The following PRKCA variants were observed in gnomAD, a reference collection of about 807,000 sequenced individuals.
PRKCA encodes the protein protein kinase C alpha.
Under a neutral mutation model 87.0 loss-of-function variants are expected in PRKCA, and 27 were observed. The observed-to-expected ratio is 0.31, with a 90% CI of 0.23 to 0.43. The LOEUF (loss-of-function observed/expected upper bound fraction) is 0.43. PRKCA is among the 20% of genes least tolerant of loss of function. The pLI, the probability that PRKCA is intolerant of heterozygous loss-of-function variation, is 1.00. For missense variants in PRKCA, 518 were observed against 852.3 expected, an observed-to-expected ratio of 0.61 and a Z score of 4.88; for synonymous variants, 329 against 311.1, an observed-to-expected ratio of 1.06 and a Z score of -0.61.
chr17:66,532,541 T>A (rs1036501222), intron 3 of PRKCA, among the ~76,000 whole-genome samples: 5 of 151,896 alleles, frequency 3.3e-5, no homozygotes, highest in African/African-American at 1.2e-4. Context: ...AATTTTTGTA[T>A]TTTTAGTAGA....
At chr17:66,414,480 T>C (rs561288639) in intron 2 of PRKCA, among the ~76,000 whole-genome samples, 4 of 152,340 alleles carry the variant, frequency 2.6e-5, no homozygotes, top group South Asian at 4.1e-4. Context: ...TAAACCTCTT[T>C]TCTGTATAAA....
At chr17:66,576,769 C>T (rs1353062689) in intron 3 of PRKCA, among the ~76,000 whole-genome samples, 9 of 152,036 alleles carry the variant, frequency 5.9e-5, no homozygotes. Flanking sequence ...GGAGCATTCA[C>T]GATGTTCTTT....
At chr17:66,515,132 T>A (rs1966923708) in intron 3 of PRKCA, among the ~76,000 whole-genome samples, 1 of 151,988 alleles carries the variant, frequency 6.6e-6, no homozygotes, top group South Asian at 2.1e-4. Context: ...GGCCTGCGCC[T>A]CTAGTCCCAG....
chr17:66,487,822 A>G (rs1916050503), intron 2 of PRKCA, among the ~76,000 whole-genome samples: 1 of 152,156 alleles, frequency 6.6e-6, no homozygotes, highest in Admixed American at 6.5e-5. Flanking sequence ...ATCTTTTGAG[A>G]AATGTCTATT....
chr17:66,441,739 C>CT lies in PRKCA; in HGVS notation c.206-54453dup, dbSNP rs371236344. Among the ~76,000 whole-genome samples the CT allele has an allele frequency of 4.5e-4, 68 of 151,552 alleles. 1 individual carries two copies. The highest frequency in any genetic ancestry group is 1.5e-3 in the African/African-American group (60 of 41,344). On this transcript the variant is annotated intron_variant, in intron 2 of 16. Transcript: ENST00000413366. The stretch of plus-strand genomic sequence containing the variant: ...TCATGTTTTTGTTCTCAAAATAATA[C>CT]TTTTTTTTTCAGGTGAAGACAAGGA...
Position 66,689,174 on chromosome 17 carries a change from C to A in PRKCA, c.918+127C>A, listed in dbSNP as rs1972712642. The A allele has an allele frequency of 1.7e-6, 1 of 583,738 alleles. No homozygotes were observed. The highest frequency in any genetic ancestry group is 1.9e-5 in the African/African-American group (1 of 51,472). The allele number at this position is 583,738 out of a possible 1,614,324, so 36.2% of individuals were successfully genotyped here. ...TAATCTCAATGTTAATGATCTTTTT[C>A]TTTATTTAAAAACATGAATGTTGTT... On this transcript the variant is annotated intron_variant, in intron 8 of 16. Transcript: ENST00000413366. The surrounding 1 kb of genome is among the most constrained non-coding windows in gnomAD (Gnocchi z 4.1).
At chr17:66,500,083 G>A (rs138481355) in intron 3 of PRKCA, among the ~76,000 whole-genome samples, 2 of 152,256 alleles carry the variant, frequency 1.3e-5, no homozygotes, top group East Asian at 3.9e-4. Flanking sequence ...AGGTACAAGG[G>A]AGCTGTTACC....
chr17:66,399,906 G>A (rs1383786700), intron 2 of PRKCA, among the ~76,000 whole-genome samples: 2 of 151,918 alleles, frequency 1.3e-5, no homozygotes, highest in Non-Finnish European at 2.9e-5. Flanking sequence ...TTTAGATTTT[G>A]GAATATTTGC....
At chr17:66,630,113 T>A (rs927220277) in intron 3 of PRKCA, among the ~76,000 whole-genome samples, 1 of 152,166 alleles carries the variant, frequency 6.6e-6, no homozygotes, top group African/African-American at 2.4e-5. Flanking sequence ...ATTCTCAGAG[T>A]TACCATAAAG....
intron 8 of PRKCA, among the ~76,000 whole-genome samples, chr17:66,718,883 T>TAA (rs1185538925): frequency 1.3e-5 from 2 of 152,196 alleles, no homozygotes; most frequent in African/African-American, 4.8e-5. Flanking sequence ...GAAGTACAGT[T>TAA]AAAAATTCCA....
At chr17:66,382,461 C>A (rs1909818561) in intron 2 of PRKCA, among the ~76,000 whole-genome samples, 1 of 152,040 alleles carries the variant, frequency 6.6e-6, no homozygotes, top group Non-Finnish European at 1.5e-5. Flanking sequence ...CCACCATGCC[C>A]GGCTGATATT....
intron 3 of PRKCA, among the ~76,000 whole-genome samples, chr17:66,559,472 G>A (rs1178848915): frequency 2.1e-5 from 2 of 96,812 alleles, no homozygotes; most frequent in African/African-American, 4.3e-5. Context: ...GTGAGTCTCT[G>A]TCTCACCAAA....
intron 2 of PRKCA, among the ~76,000 whole-genome samples, chr17:66,345,960 A>C (rs780623849): frequency 2.0e-5 from 3 of 152,208 alleles, no homozygotes; most frequent in Non-Finnish European, 2.9e-5. Flanking sequence ...TGATGGATGA[A>C]TGCCACTGGA....
chr17:66,582,456 C>T (rs1009691637), intron 3 of PRKCA, among the ~76,000 whole-genome samples: 3 of 152,110 alleles, frequency 2.0e-5, no homozygotes, highest in African/African-American at 7.2e-5. Context: ...CCATGCTGTT[C>T]TCATGGTAGT....
chr17:66,726,061 C>T (rs1321261562), intron 8 of PRKCA, among the ~76,000 whole-genome samples: 1 of 152,112 alleles, frequency 6.6e-6, no homozygotes, highest in Non-Finnish European at 1.5e-5. Context: ...GTTCCCATAA[C>T]TCGGGCACCT....
intron 2 of PRKCA, among the ~76,000 whole-genome samples, chr17:66,467,869 TA>T (rs1002551524): frequency 6.6e-6 from 1 of 151,638 alleles, no homozygotes; most frequent in Non-Finnish European, 1.5e-5. Flanking sequence ...TGGTTGTACT[TA>T]AAAAACAAAA....
chr17:66,587,829 ACG>A (rs1969657151), intron 3 of PRKCA, among the ~76,000 whole-genome samples: 1 of 129,774 alleles, frequency 7.7e-6, no homozygotes, highest in Non-Finnish European at 1.7e-5. Context: ...ATACATATAT[ACG>A]TATATGTGTG....
At chr17:66,413,847 C>T (rs907864178) in intron 2 of PRKCA, among the ~76,000 whole-genome samples, 2 of 152,032 alleles carry the variant, frequency 1.3e-5, no homozygotes, top group African/African-American at 4.8e-5. Context: ...TACCCCGTCT[C>T]TACTAAAAAT....
intron 16 of PRKCA, among the ~76,000 whole-genome samples, chr17:66,795,031 TG>T (rs1277393040): frequency 6.6e-6 from 1 of 152,240 alleles, no homozygotes; most frequent in African/African-American, 2.4e-5. Context: ...CCATTACTTT[TG>T]CACCAACCTT....
Sources: gnomAD v4.1 joint callset for allele counts (sites outside exome capture counted in the v4.1 genomes callset) on GRCh38, gnomAD v4.1.1 for gene constraint, Gnocchi (gnomAD v3.1) non-coding constraint, MANE v1.5 for transcripts, NCBI Gene and HGNC (gene_info 2026-07-23, HGNC 2026-07-21) for gene names.